The following HEPHL1 variants were observed in gnomAD, a reference collection of about 807,000 sequenced individuals.
HEPHL1 encodes the protein ferroxidase HEPHL1.
Under a neutral mutation model 122.0 loss-of-function variants are expected in HEPHL1, and 123 were observed. The ratio of observed to expected loss-of-function variants is 1.01; its 90% CI spans 0.87 to 1.17. The LOEUF (loss-of-function observed/expected upper bound fraction) is 1.17. Among genes scored for constraint, HEPHL1 ranks in the 50% most tolerant of loss-of-function variants. The pLI, the probability that HEPHL1 is intolerant of heterozygous loss-of-function variation, is 0.00. For missense variants in HEPHL1, 1,452 were observed against 1,430.5 expected (o/e 1.01, Z -0.24); for synonymous variants, 527 against 508.9 (o/e 1.04, Z -0.48).
intron 12 of HEPHL1, among the ~76,000 whole-genome samples, chr11:94,093,088 G>A (rs910810340): frequency 1.5e-5 from 2 of 130,886 alleles, no homozygotes; most frequent in Non-Finnish European, 3.3e-5. Context: ...GGGTGGTAGA[G>A]GGTGGACGTG....
intron 2 of HEPHL1, among the ~76,000 whole-genome samples, chr11:94,052,137 C>G (rs1485748519): frequency 6.6e-6 from 1 of 151,846 alleles, no homozygotes; most frequent in Non-Finnish European, 1.5e-5. Flanking sequence ...TTTGTGGTTC[C>G]ATATAATTTT....
In HEPHL1 at chr11:94,085,409, CT is replaced by C. The variant is rs57934381; in HGVS notation, c.1868-567del. Among the ~76,000 whole-genome samples, 868 of 152,258 alleles carry C rather than the reference CT, an allele frequency of 5.7e-3. 9 individuals are homozygous for C. Among genetic ancestry groups the C allele is most frequent in the African/African-American group, 0.02 (827 of 41,540 alleles). ...CAAATTTATTTACTCAAAGACTAAC[CT>C]CATATAAGCTTAAGTACCCCCTAAA... On this transcript the variant is annotated intron_variant, in intron 10 of 19. Coordinates refer to ENST00000315765, the MANE Select transcript of HEPHL1 (RefSeq NM_001098672.2).
intron 4 of HEPHL1, among the ~76,000 whole-genome samples, 169 bp from the exon 5 acceptor site, chr11:94,067,327 C>A (rs1355863585): frequency 5.9e-5 from 9 of 152,160 alleles, no homozygotes; most frequent in Admixed American, 5.9e-4. Context: ...CATTTCATTT[C>A]TCTTTTGGAC....
intron 1 of HEPHL1, among the ~76,000 whole-genome samples, chr11:94,043,716 T>C (rs1340494981): frequency 6.6e-6 from 1 of 152,014 alleles, no homozygotes; most frequent in African/African-American, 2.4e-5. Flanking sequence ...ATTTTTTTTT[T>C]CTTGAGTAAC....
At chr11:94,089,693 ACCT>A (rs140541785) in intron 12 of HEPHL1, among the ~76,000 whole-genome samples, 3,806 of 151,848 alleles carry the variant, frequency 0.025, 158 homozygotes, top group African/African-American at 0.088. Context: ...CAGACCACAG[ACCT>A]CCTCCCCCAG....
At chr11:94,046,091 C>CTTTTGTTTTTTTTTTT (rs1945834304) in intron 2 of HEPHL1, among the ~76,000 whole-genome samples, 174 bp downstream of exon 2, 1 of 65,048 alleles carries the variant, frequency 1.5e-5, no homozygotes. Context: ...CCCTTTCTTG[C>CTTTTGTTTTTTTTTTT]TTTTTTTTTT....
intron 13 of HEPHL1, among the ~76,000 whole-genome samples, chr11:94,100,253 A>T (rs1257697987): frequency 6.6e-6 from 1 of 152,240 alleles, no homozygotes; most frequent in Non-Finnish European, 1.5e-5. Context: ...AAAGCAATTA[A>T]AACCATGGCT....
In HEPHL1 at chr11:94,101,349, G is replaced by C; in HGVS notation, c.2575+14G>C. 6.2e-7 allele frequency: 1 copy of C among 1,609,950 alleles called. No individual in the cohort carries two copies. Among genetic ancestry groups the C allele is most frequent in the Non-Finnish European group, 8.5e-7 (1 of 1,177,050 alleles). On this transcript the variant is annotated intron_variant, in intron 14 of 19. Coordinates refer to ENST00000315765, the MANE Select transcript of HEPHL1 (RefSeq NM_001098672.2). ...TGACAAAACCAGGTAAGTTGTGTCA[G>C]AGGTCTGCTCCATCTTGAAGAAGAA...
chr11:94,025,289 G>A (rs751593269), intron 1 of HEPHL1, among the ~76,000 whole-genome samples: 20 of 152,082 alleles, frequency 1.3e-4, no homozygotes, highest in Non-Finnish European at 2.5e-4. Context: ...CCTCCTCCTT[G>A]GAGTAAATGG....
intron 13 of HEPHL1, among the ~76,000 whole-genome samples, chr11:94,096,152 C>T (rs979102982): frequency 2.6e-5 from 4 of 152,004 alleles, no homozygotes; most frequent in South Asian, 2.1e-4. Flanking sequence ...TATTGGCTGT[C>T]GGTTTGTCAT....
intron 12 of HEPHL1, among the ~76,000 whole-genome samples, chr11:94,089,561 G>A (rs747876328): frequency 6.6e-6 from 1 of 152,222 alleles, no homozygotes; most frequent in Non-Finnish European, 1.5e-5. Context: ...CCAAGACTCA[G>A]CAGCTCTCAG....
chr11:94,075,002 G>A (rs1946108297), intron 8 of HEPHL1, among the ~76,000 whole-genome samples, 172 bp from the exon 9 acceptor site: 1 of 152,134 alleles, frequency 6.6e-6, no homozygotes, highest in Non-Finnish European at 1.5e-5. Flanking sequence ...TATCTCATAA[G>A]CCAGCAGATT....
intron 13 of HEPHL1, among the ~76,000 whole-genome samples, chr11:94,095,926 C>T (rs888542646): frequency 6.6e-6 from 1 of 152,136 alleles, no homozygotes; most frequent in African/African-American, 2.4e-5. Flanking sequence ...TGGGCTGAGA[C>T]AATGGGGTTT....
In HEPHL1 at chr11:94,073,301, T is replaced by G. The variant is rs1203977552; in HGVS notation, c.1373-7T>G. ...TCTTCTCTCTCTTCTTCTGGATATT[T>G]TTTCAGGCCCAGTCATCAAGGCAGA... is the stretch of plus-strand genomic sequence containing the variant. On this transcript the variant is annotated splice_region_variant and splice_polypyrimidine_tract_variant and intron_variant, in intron 7 of 19. Coordinates refer to ENST00000315765, the MANE Select transcript of HEPHL1 (RefSeq NM_001098672.2). The G allele has an allele frequency of 1.2e-6, 2 of 1,610,090 alleles. No individual in the cohort carries two copies. The highest frequency in any genetic ancestry group is 4.5e-5 in the East Asian group (2 of 44,824).
chr11:94,070,272 C>T (rs1056386926), intron 5 of HEPHL1, 102 bp from the exon 6 acceptor site: 1 of 1,190,072 alleles, frequency 8.4e-7, no homozygotes, highest in Non-Finnish European at 1.1e-6. Context: ...ATTTTCTGTA[C>T]AGAAGCCTAA....
chr11:94,095,780 A>G (rs949687407), intron 13 of HEPHL1, among the ~76,000 whole-genome samples: 1 of 152,080 alleles, frequency 6.6e-6, no homozygotes, highest in African/African-American at 2.4e-5. Context: ...ATTGTCTTTG[A>G]AGCAATTGTG....
chr11:94,039,239 C>A (rs923057957), intron 1 of HEPHL1, among the ~76,000 whole-genome samples: 1 of 142,654 alleles, frequency 7.0e-6, no homozygotes, highest in East Asian at 2.1e-4. Flanking sequence ...GAGTGACCTA[C>A]AAAGAGACTT....
intron 4 of HEPHL1, among the ~76,000 whole-genome samples, chr11:94,066,567 A>AAG (rs1227453324): frequency 6.6e-6 from 1 of 152,296 alleles, no homozygotes; most frequent in East Asian, 1.9e-4. Flanking sequence ...AAAGAAAAAA[A>AAG]AGAGAGAGAG....
intron 1 of HEPHL1, 99 bp from the exon 2 acceptor site, chr11:94,045,574 T>A: frequency 9.8e-7 from 1 of 1,018,118 alleles, no homozygotes; most frequent in South Asian, 1.7e-5. Context: ...GAACACCAAA[T>A]GAGAGGTCAT....
Sources: allele counts gnomAD v4.1 joint callset (sites outside exome capture counted in the v4.1 genomes callset), GRCh38; gene constraint gnomAD v4.1.1; transcripts MANE v1.5; gene names NCBI Gene and HGNC (gene_info 2026-07-23, HGNC 2026-07-21).